CEP83: variants seen among roughly 807,000 people sequenced by gnomAD.
CEP83 encodes the protein centrosomal protein of 83 kDa.
In CEP83, 70 loss-of-function variants were observed where a neutral mutation model predicts 101.9. The observed-to-expected ratio is 0.69, with a 90% CI of 0.57 to 0.84. The LOEUF (loss-of-function observed/expected upper bound fraction) is 0.84, where lower values mean the gene tolerates loss of function less well. Among genes scored for constraint, CEP83 ranks in the 40% least tolerant of loss-of-function variants. The pLI is 0.00. For synonymous variants in CEP83, 264 were observed against 267.9 expected (o/e 0.99, Z 0.14); for missense variants, 715 against 787.2 (o/e 0.91, Z 1.10).
At chr12:94,338,132 G>A (rs920373813) in intron 11 of CEP83, among the ~76,000 whole-genome samples, 3 of 152,298 alleles carry the variant, frequency 2.0e-5, no homozygotes, top group East Asian at 3.9e-4. Context: ...TCCAAGAAGC[G>A]TCTAGGTGTA....
In CEP83 at chr12:94,370,009, G is replaced by A. The variant is rs768055624; in HGVS notation, c.961C>T (p.Leu321=). 82 of 1,606,818 alleles carry A rather than the reference G, an allele frequency of 5.1e-5. No individual in the cohort carries two copies. Among genetic ancestry groups the A allele is most frequent in the Middle Eastern group, 1.6e-4 (1 of 6,062 alleles). Residue 321 remains leucine (L), a synonymous_variant, in exon 9 of 17, where the codon CTG becomes TTG. Coordinates refer to ENST00000397809, the MANE Select transcript of CEP83 (RefSeq NM_016122.3). The stretch of plus-strand genomic sequence containing the variant: ...TCCAGTTTGATGTCTGTTATTTCCA[G>A]TTTGTTTGAATGTTTAAGTTCTTTT... ...KVKELKHSNK[L]EITDIKLETA...
At chr12:94,457,967 T>G (rs1188502664) in intron 1 of CEP83, among the ~76,000 whole-genome samples, 1 of 152,012 alleles carries the variant, frequency 6.6e-6, no homozygotes, top group African/African-American at 2.4e-5. Flanking sequence ...GAGGTCAAGG[T>G]GGGCAGATCG....
chr12:94,322,627 G>T (rs1017615249), intron 14 of CEP83, among the ~76,000 whole-genome samples: 6 of 152,192 alleles, frequency 3.9e-5, no homozygotes, highest in Non-Finnish European at 4.4e-5. Flanking sequence ...GGGTATGGTT[G>T]TAGACCTCAG....
At chr12:94,282,664 G>C in the CEP83 span, 1 of 315,100 alleles carries the variant, frequency 3.2e-6, no homozygotes, top group Non-Finnish European at 5.9e-6. Flanking sequence ...CAGCAGAAAA[G>C]AACCCAGGAA....
At chr12:94,340,410 T>G (rs946780016) in intron 11 of CEP83, among the ~76,000 whole-genome samples, 2 of 151,846 alleles carry the variant, frequency 1.3e-5, no homozygotes, top group South Asian at 4.2e-4. Flanking sequence ...GATGAGCATG[T>G]GAACTAGACC....
At position 94,376,169 on chromosome 12, in the gene CEP83, A is replaced by G. The variant is rs10507037; in HGVS notation, c.802-152T>C. 50,225 of 426,446 alleles carry G rather than the reference A, an allele frequency of 0.12. 3,558 individuals are homozygous for G. The highest frequency in any genetic ancestry group is 0.13 in the Non-Finnish European group (33,802 of 253,818). 26.4% of individuals were successfully genotyped at this position (426,446 alleles called of 1,614,324 possible). The stretch of plus-strand genomic sequence containing the variant: ...ATGTAACAAAAATTTTCTCAAACTA[A>G]TTGGCAGAATTCAAACGAAAGATAG... On this transcript the variant is annotated intron_variant, in intron 7 of 16. Transcript: ENST00000397809.
intron 1 of CEP83, among the ~76,000 whole-genome samples, chr12:94,441,303 C>T (rs769610335): frequency 3.9e-5 from 6 of 152,044 alleles, no homozygotes; most frequent in Non-Finnish European, 2.9e-5. Flanking sequence ...CCAGAATCTA[C>T]GAGGAACTCA....
At chr12:94,331,302 A>AAAAAG (rs2059196643) in intron 14 of CEP83, among the ~76,000 whole-genome samples, 1 of 125,114 alleles carries the variant, frequency 8.0e-6, no homozygotes, top group African/African-American at 3.3e-5. Context: ...AAAAAAAAAA[A>AAAAAG]AAAAAAAAAA....
intron 6 of CEP83, among the ~76,000 whole-genome samples, chr12:94,388,696 A>T (rs1386337316): frequency 6.6e-6 from 1 of 152,238 alleles, no homozygotes; most frequent in Admixed American, 6.5e-5. Context: ...CACTGACTTT[A>T]ATTTGTGCTT....
At chr12:94,434,981 T>C (rs2065890925) in intron 2 of CEP83, among the ~76,000 whole-genome samples, 1 of 152,222 alleles carries the variant, frequency 6.6e-6, no homozygotes, top group Non-Finnish European at 1.5e-5. Context: ...TAAAGCATTA[T>C]ACTAGTCCCT....
At chr12:94,400,246 A>C (rs2063172917) in intron 6 of CEP83, among the ~76,000 whole-genome samples, 1 of 152,238 alleles carries the variant, frequency 6.6e-6, no homozygotes. Context: ...AATGAAAAAC[A>C]GAAACCCCAT....
Position 94,333,654 on chromosome 12 carries a change from A to G in CEP83, c.1420-15T>C. ...CTACTGATTTGCTTAAAAGAGAAGA[A>G]AGAAGATAAATTAAAGCCCACTAAA... On this transcript the variant is annotated splice_polypyrimidine_tract_variant and intron_variant, in intron 12 of 16. Transcript: ENST00000397809. 6.2e-7 allele frequency: 1 copy of G among 1,608,296 alleles called. No individual in the cohort carries two copies. Among genetic ancestry groups the G allele is most frequent in the East Asian group, 2.2e-5 (1 of 44,800 alleles).
At chr12:94,290,421 A>G in the CEP83 span, among the ~76,000 whole-genome samples, 3 of 152,386 alleles carry the variant, frequency 2.0e-5, no homozygotes, top group South Asian at 6.2e-4. Flanking sequence ...GCTCGTTAAT[A>G]GGAGCAGAGT....
chr12:94,456,672 C>T (rs1332957545), intron 1 of CEP83, among the ~76,000 whole-genome samples: 1 of 152,198 alleles, frequency 6.6e-6, no homozygotes, highest in African/African-American at 2.4e-5. Flanking sequence ...TGAGAACTCA[C>T]TGTCACGAGG....
At chr12:94,410,508 T>C (rs948136391) in intron 4 of CEP83, among the ~76,000 whole-genome samples, 2 of 152,222 alleles carry the variant, frequency 1.3e-5, no homozygotes, top group Non-Finnish European at 2.9e-5. Context: ...TCTGAATTAA[T>C]ATAACTACTC....
the CEP83 span, among the ~76,000 whole-genome samples, chr12:94,278,875 G>A: frequency 2.0e-5 from 3 of 152,132 alleles, no homozygotes; most frequent in Non-Finnish European, 2.9e-5. Flanking sequence ...GCATGTGCCT[G>A]TAATCCCAGC....
intron 2 of CEP83, among the ~76,000 whole-genome samples, chr12:94,421,500 G>A (rs2064744065): frequency 6.6e-6 from 1 of 152,012 alleles, no homozygotes; most frequent in African/African-American, 2.4e-5. Flanking sequence ...TGGTTGTGAG[G>A]CTACCACATG....
chr12:94,458,420 G>C (rs982260227), intron 1 of CEP83, among the ~76,000 whole-genome samples: 1 of 152,086 alleles, frequency 6.6e-6, no homozygotes, highest in East Asian at 1.9e-4. Flanking sequence ...CAACTCTCAG[G>C]AGAGTCCTGT....
chr12:94,449,653 G>A (rs2067087673), intron 1 of CEP83, among the ~76,000 whole-genome samples: 2 of 150,162 alleles, frequency 1.3e-5, no homozygotes, highest in Non-Finnish European at 3.0e-5. Context: ...TGAGCCTGTA[G>A]CCCCAGCCAC....
Sources: gnomAD v4.1 joint callset for allele counts (sites outside exome capture counted in the v4.1 genomes callset) on GRCh38, gnomAD v4.1.1 for gene constraint, MANE v1.5 for transcripts, NCBI Gene and HGNC (gene_info 2026-07-23, HGNC 2026-07-21) for gene names.